Variants in CHRNA7 observed in about 807,000 individuals in gnomAD.
The protein encoded by CHRNA7 is neuronal acetylcholine receptor subunit alpha-7.
In CHRNA7, 17 loss-of-function variants were observed where a neutral mutation model predicts 48.0. The observed-to-expected ratio is 0.35, with a 90% CI of 0.24 to 0.53. The LOEUF (loss-of-function observed/expected upper bound fraction) is 0.53, where lower values mean the gene tolerates loss of function less well. CHRNA7 is among the 20% of genes least tolerant of loss of function. The probability of loss-of-function intolerance (pLI) is 0.92; values close to 1 mark genes in which losing one functional copy is unlikely to be tolerated. For missense variants in CHRNA7, 155 were observed against 577.7 expected, an observed-to-expected ratio of 0.27 and a Z score of 7.50; for synonymous variants, 75 against 242.3, an observed-to-expected ratio of 0.31 and a Z score of 6.41.
intron 4 of CHRNA7, among the ~76,000 whole-genome samples, chr15:32,115,781 C>T (rs2050859798): frequency 6.6e-6 from 1 of 151,920 alleles, no homozygotes; most frequent in African/African-American, 2.4e-5. Flanking sequence ...TATGCAAAGA[C>T]AAGATGGAGA....
At chr15:32,088,069 C>G (rs1200800945) in intron 2 of CHRNA7, among the ~76,000 whole-genome samples, 1 of 152,150 alleles carries the variant, frequency 6.6e-6, no homozygotes, top group East Asian at 1.9e-4. Context: ...ATTCTCTGCC[C>G]TAGAAGTACT....
chr15:32,129,786 G>A (rs1566860419), intron 4 of CHRNA7, among the ~76,000 whole-genome samples: 1 of 150,092 alleles, frequency 6.7e-6, no homozygotes, highest in Non-Finnish European at 1.5e-5. Context: ...CTCTTTTCTA[G>A]TTTCTTACCG....
chr15:32,051,242 GC>G (rs1489657013), intron 2 of CHRNA7, among the ~76,000 whole-genome samples: 4 of 151,836 alleles, frequency 2.6e-5, no homozygotes, highest in Non-Finnish European at 1.5e-5. Flanking sequence ...TCTGTGCCCT[GC>G]CCCCAGAGGT....
At chr15:32,097,513 C>A (rs534270038) in intron 2 of CHRNA7, among the ~76,000 whole-genome samples, 1 of 152,170 alleles carries the variant, frequency 6.6e-6, no homozygotes, top group Non-Finnish European at 1.5e-5. Flanking sequence ...AGCCAGCCCC[C>A]ACCAGACACC....
rs2051561297 is a variant in CHRNA7 at position 32,149,125 on chromosome 15, C to T, written c.351-4782C>T. On this transcript the variant is annotated intron_variant, in intron 4 of 9. Transcript: ENST00000306901. This position sits in a 1 kb window ranked among gnomAD's most constrained non-coding sequence, Gnocchi z 4.6. ...GGCAGCTCCTGCAAGGACGGAGAGG[C>T]CACAGGCCGGCATCTTCACAAACTG... Among the ~76,000 whole-genome samples the T allele has an allele frequency of 6.6e-6, 1 of 152,228 alleles. No homozygotes were observed. The highest frequency in any genetic ancestry group is 2.4e-5 in the African/African-American group (1 of 41,452).
chr15:32,093,491 C>T (rs528288338), intron 2 of CHRNA7, among the ~76,000 whole-genome samples: 2 of 152,284 alleles, frequency 1.3e-5, no homozygotes, highest in South Asian at 2.1e-4. Flanking sequence ...TCACCTCCCC[C>T]GGGCAAGCTC....
chr15:32,133,833 C>A (rs965912050), intron 4 of CHRNA7, among the ~76,000 whole-genome samples: 3 of 152,164 alleles, frequency 2.0e-5, no homozygotes, highest in African/African-American at 7.2e-5. Flanking sequence ...GAGTGCAGGG[C>A]ACCTGGAGAG....
intron 4 of CHRNA7, among the ~76,000 whole-genome samples, chr15:32,145,181 C>G (rs1235475750): frequency 6.6e-6 from 1 of 152,206 alleles, no homozygotes; most frequent in African/African-American, 2.4e-5. Context: ...CCCTCAGCTG[C>G]AGGTCTGTTG....
Position 32,169,010 on chromosome 15 carries a change from C to G in CHRNA7, c.*552C>G, listed in dbSNP as rs1354934833. ...TTCTATCAAAGACGGTAGAGAGAAA[C>G]AGCTTGATGCTGTTTCTACATTAAA... On this transcript the variant is annotated 3_prime_UTR_variant, in exon 10 of 10. Coordinates refer to ENST00000306901, the MANE Select transcript of CHRNA7 (RefSeq NM_000746.6). 2 of 131,780 alleles carry G rather than the reference C, an allele frequency of 1.5e-5. No individual in the cohort carries two copies. The highest frequency in any genetic ancestry group is 5.7e-5 in the African/African-American group (2 of 35,380). The allele number at this position is 131,780 out of a possible 1,614,324, so 8.2% of individuals were successfully genotyped here. A position where few individuals can be genotyped will look rare whatever the true frequency, so the allele number is the denominator to read the frequency against.
At chr15:32,053,761 A>G (rs2049735071) in intron 2 of CHRNA7, among the ~76,000 whole-genome samples, 1 of 152,214 alleles carries the variant, frequency 6.6e-6, no homozygotes, top group African/African-American at 2.4e-5. Flanking sequence ...TTAAGCAATG[A>G]ATTATACAAA....
At chr15:32,150,496 A>G (rs945565831) in intron 4 of CHRNA7, among the ~76,000 whole-genome samples, 4 of 152,210 alleles carry the variant, frequency 2.6e-5, no homozygotes, top group Non-Finnish European at 4.4e-5. Flanking sequence ...CTGAAATCTC[A>G]TTTGGTGACT....
intron 4 of CHRNA7, among the ~76,000 whole-genome samples, chr15:32,146,624 T>G (rs549751157): frequency 3.3e-5 from 5 of 152,204 alleles, no homozygotes; most frequent in Non-Finnish European, 2.9e-5. Flanking sequence ...TTTCACAAAT[T>G]TTATTTTCAA....
chr15:32,077,120 G>A (rs1278475247), intron 2 of CHRNA7, among the ~76,000 whole-genome samples: 1 of 151,700 alleles, frequency 6.6e-6, no homozygotes. Context: ...GTCTTTTTAT[G>A]GCTTGATAGC....
Position 32,030,654 on chromosome 15 carries a change from A to G in CHRNA7, c.55+5A>G. The G allele has an allele frequency of 6.3e-7, 1 of 1,575,824 alleles. No homozygotes were observed. The highest frequency in any genetic ancestry group is 8.6e-7 in the Non-Finnish European group (1 of 1,164,650). ...TGGCCGCGTCGCTCCTGCACGGTAA[A>G]GCCACTGCCTCCCCGCCCTCCACTC... On this transcript the variant is annotated splice_donor_5th_base_variant and intron_variant, in intron 1 of 9. Transcript: ENST00000306901.
chr15:32,045,117 A>G (rs1055968011), intron 2 of CHRNA7, among the ~76,000 whole-genome samples: 1 of 152,124 alleles, frequency 6.6e-6, no homozygotes, highest in African/African-American at 2.4e-5. Flanking sequence ...CTAGCTCTCA[A>G]GCTTGTTCTG....
intron 4 of CHRNA7, among the ~76,000 whole-genome samples, chr15:32,148,661 C>A (rs2051545576): frequency 6.6e-6 from 1 of 152,244 alleles, no homozygotes; most frequent in African/African-American, 2.4e-5. Flanking sequence ...TCTGAAAGCA[C>A]AGCTTGTAAT....
intron 2 of CHRNA7, among the ~76,000 whole-genome samples, chr15:32,052,359 G>A (rs189017772): frequency 7.9e-5 from 12 of 152,274 alleles, no homozygotes; most frequent in African/African-American, 2.6e-4. Context: ...TGGATCTCAC[G>A]GAAGTAGGGA....
chr15:32,133,958 CA>C (rs754984194), intron 4 of CHRNA7, among the ~76,000 whole-genome samples: 38 of 152,152 alleles, frequency 2.5e-4, no homozygotes, highest in Non-Finnish European at 3.7e-4. Flanking sequence ...ACATGCTCTG[CA>C]GATGGTGATT....
intron 2 of CHRNA7, among the ~76,000 whole-genome samples, chr15:32,049,488 C>G (rs1463128544): frequency 1.3e-5 from 2 of 151,724 alleles, no homozygotes; most frequent in South Asian, 4.2e-4. Context: ...TTTTTGTTTT[C>G]CATTTGCTTG....
Sources: gnomAD v4.1 joint callset for allele counts (sites outside exome capture counted in the v4.1 genomes callset) on GRCh38, gnomAD v4.1.1 for gene constraint, Gnocchi (gnomAD v3.1) non-coding constraint, MANE v1.5 for transcripts, NCBI Gene and HGNC (gene_info 2026-07-23, HGNC 2026-07-21) for gene names.